The following CDH18 variants were observed in gnomAD, a reference collection of about 807,000 sequenced individuals.
CDH18 encodes cadherin-18.
Under a neutral mutation model 67.9 loss-of-function variants are expected in CDH18, and 31 were observed. That is an observed-to-expected ratio of 0.46 (90% CI 0.34 to 0.62). The LOEUF is 0.62. Among genes scored for constraint, CDH18 ranks in the 20% least tolerant of loss-of-function variants. CDH18 has a pLI of 0.01. For synonymous variants in CDH18, 362 were observed against 347.2 expected (o/e 1.04, Z -0.48); for missense variants, 890 against 975.5 (o/e 0.91, Z 1.17).
At chr5:20,346,235 C>T (rs1374775982) in intron 1 of CDH18, among the ~76,000 whole-genome samples, 1 of 152,140 alleles carries the variant, frequency 6.6e-6, no homozygotes, top group Non-Finnish European at 1.5e-5. Context: ...TGTTATGGAG[C>T]AGAGAGTCTT....
intron 1 of CDH18, among the ~76,000 whole-genome samples, chr5:20,370,493 C>T (rs936248221): frequency 1.3e-5 from 2 of 152,068 alleles, no homozygotes; most frequent in African/African-American, 4.8e-5. Context: ...TTACCCATAG[C>T]CTTACTCCTA....
intron 1 of CDH18, among the ~76,000 whole-genome samples, chr5:20,357,470 C>G (rs1741727484): frequency 1.3e-5 from 2 of 152,080 alleles, no homozygotes; most frequent in Admixed American, 6.6e-5. Context: ...AAATAACTTT[C>G]TATTGTTATT....
chr5:20,109,289 GA>G (rs1398805873), intron 2 of CDH18, among the ~76,000 whole-genome samples: 2 of 152,206 alleles, frequency 1.3e-5, no homozygotes, highest in Admixed American at 1.3e-4. Flanking sequence ...TTCCTTCTGA[GA>G]AAATGCTCTG....
chr5:20,043,210 T>C (rs2150476544), intron 2 of CDH18, among the ~76,000 whole-genome samples: 1 of 152,196 alleles, frequency 6.6e-6, no homozygotes, highest in Admixed American at 6.5e-5. Context: ...AAATGTCCCC[T>C]GGGAGATAAA....
intron 8 of CDH18, among the ~76,000 whole-genome samples, chr5:19,559,652 C>T (rs748060857): frequency 1.3e-5 from 2 of 151,950 alleles, no homozygotes; most frequent in Non-Finnish European, 2.9e-5. Flanking sequence ...AGCAGAAGTC[C>T]TAGCCAGAGC....
intron 8 of CDH18, among the ~76,000 whole-genome samples, chr5:19,551,588 G>T (rs1737458799): frequency 6.6e-6 from 1 of 152,092 alleles, no homozygotes; most frequent in East Asian, 1.9e-4. Flanking sequence ...TTATGCTTGA[G>T]GGTTAAATGA....
chr5:20,038,355 G>T (rs1481086604), intron 2 of CDH18, among the ~76,000 whole-genome samples: 1 of 152,044 alleles, frequency 6.6e-6, no homozygotes, highest in Non-Finnish European at 1.5e-5. Flanking sequence ...TATTATGAGG[G>T]TAGCATCATC....
At chr5:19,640,664 T>C (rs1353653812) in intron 5 of CDH18, among the ~76,000 whole-genome samples, 1 of 151,938 alleles carries the variant, frequency 6.6e-6, no homozygotes, top group Non-Finnish European at 1.5e-5. Flanking sequence ...AATCAAACTG[T>C]ATCGAAACTT....
chr5:20,379,191 T>C (rs1297088508), intron 1 of CDH18, among the ~76,000 whole-genome samples: 1 of 152,208 alleles, frequency 6.6e-6, no homozygotes. Context: ...TTTTCAAATA[T>C]AGGCTGATAC....
intron 3 of CDH18, among the ~76,000 whole-genome samples, chr5:19,791,147 T>A (rs975291803): frequency 2.0e-5 from 3 of 151,686 alleles, no homozygotes; most frequent in Non-Finnish European, 4.4e-5. Context: ...CATGAAAGAG[T>A]TTGAGATTAG....
rs149026633 is a variant in CDH18, at chr5:20,469,121, A to C, written c.-580+106341T>G. ...CAAACAGTAATCATTATCACCACCA[A>C]ACCAAAAAGGAAAGGCATTAAATAG... On this transcript the variant is annotated intron_variant, in intron 1 of 14. Coordinates refer to the CDH18 transcript ENST00000507958. Among the ~76,000 whole-genome samples, 920 of 152,298 alleles carry C rather than the reference A, an allele frequency of 6.0e-3. 6 individuals carry two copies. The highest frequency in any genetic ancestry group is 0.014 in the Middle Eastern group (4 of 294).
intron 1 of CDH18, among the ~76,000 whole-genome samples, chr5:20,480,264 G>A (rs988875767): frequency 1.3e-5 from 2 of 152,138 alleles, no homozygotes; most frequent in Admixed American, 1.3e-4. Flanking sequence ...AATGTGGTAT[G>A]TAAATTACTG....
intron 1 of CDH18, among the ~76,000 whole-genome samples, chr5:20,390,016 ATC>A (rs1007972713): frequency 6.6e-6 from 1 of 152,208 alleles, no homozygotes; most frequent in Non-Finnish European, 1.5e-5. Context: ...TACATGTTAG[ATC>A]TAAAACCATA....
intron 7 of CDH18, among the ~76,000 whole-genome samples, chr5:19,576,452 C>CA (rs1347659332): frequency 6.6e-6 from 1 of 151,660 alleles, no homozygotes. Context: ...AGATATTTCT[C>CA]AAAAAATGAC....
chr5:19,569,661 T>C (rs1324357516), intron 8 of CDH18, among the ~76,000 whole-genome samples: 1 of 152,192 alleles, frequency 6.6e-6, no homozygotes, highest in Non-Finnish European at 1.5e-5. Flanking sequence ...CTAAGAGTGA[T>C]TGCTATAGTC....
chr5:20,531,123 C>G (rs1426141581), intron 1 of CDH18, among the ~76,000 whole-genome samples: 2 of 151,998 alleles, frequency 1.3e-5, no homozygotes, highest in Non-Finnish European at 2.9e-5. Flanking sequence ...ATATGGCCAA[C>G]AAACATATGA....
chr5:20,251,962 T>G (rs999197431), intron 2 of CDH18, among the ~76,000 whole-genome samples: 1 of 152,214 alleles, frequency 6.6e-6, no homozygotes, highest in African/African-American at 2.4e-5. Context: ...ATATGCGTGA[T>G]GAAGTGTACT....
chr5:19,715,647 C>T (rs1034121573), intron 5 of CDH18, among the ~76,000 whole-genome samples: 4 of 151,946 alleles, frequency 2.6e-5, no homozygotes, highest in Admixed American at 6.6e-5. Flanking sequence ...AGAATTTAAT[C>T]GCATATAAGT....
chr5:19,884,031 A>G (rs1238124778), intron 2 of CDH18, among the ~76,000 whole-genome samples: 1 of 152,156 alleles, frequency 6.6e-6, no homozygotes, highest in Non-Finnish European at 1.5e-5. Flanking sequence ...TGTGCAGTAA[A>G]GCATGGGTTG....
Sources: allele counts gnomAD v4.1 joint callset (sites outside exome capture counted in the v4.1 genomes callset), GRCh38; gene constraint gnomAD v4.1.1; transcripts MANE v1.5; gene names NCBI Gene and HGNC (gene_info 2026-07-23, HGNC 2026-07-21).